The following SCUBE3 variants were observed in gnomAD, a reference collection of about 807,000 sequenced individuals.
The protein encoded by SCUBE3 is signal peptide, CUB and EGF-like domain-containing protein 3.
In SCUBE3, 33 loss-of-function variants were observed where a neutral mutation model predicts 116.8. The observed-to-expected ratio is 0.28, with a 90% CI of 0.21 to 0.38. The LOEUF (loss-of-function observed/expected upper bound fraction) is 0.38, where lower values mean the gene tolerates loss of function less well. Among genes scored for constraint, SCUBE3 ranks in the 10% least tolerant of loss-of-function variants. The pLI, the probability that SCUBE3 is intolerant of heterozygous loss-of-function variation, is 1.00. For synonymous variants in SCUBE3, 418 were observed against 496.9 expected (o/e 0.84, Z 2.11); for missense variants, 1,007 against 1,324.8 (o/e 0.76, Z 3.72).
intron 13 of SCUBE3, 125 bp from the exon 14 acceptor site, chr6:35,242,497 T>G: frequency 1.0e-6 from 1 of 1,000,276 alleles, no homozygotes; most frequent in Non-Finnish European, 1.5e-6. Context: ...CACCAACTAA[T>G]TAGGACCCTA....
chr6:35,245,088 C>A lies in SCUBE3; in HGVS notation c.2402-140C>A. On this transcript the variant is annotated intron_variant, in intron 18 of 21. Transcript: ENST00000274938. This position sits in a 1 kb window ranked among gnomAD's most constrained non-coding sequence, Gnocchi z 4.2. Reference sequence around the variant, plus strand: ...GGCAGGAAGGAAGATGGACTCAGAGCTTGGAAAATAATGATGAACTAGAAC... The same window carrying A: ...GGCAGGAAGGAAGATGGACTCAGAGATTGGAAAATAATGATGAACTAGAAC... 1.2e-6 allele frequency: 1 copy of A among 813,168 alleles called. No homozygotes were observed. The highest frequency in any genetic ancestry group is 2.0e-6 in the Non-Finnish European group (1 of 489,164). 50.4% of individuals were successfully genotyped at this position (813,168 alleles called of 1,614,324 possible). A position where few individuals can be genotyped will look rare whatever the true frequency, so the allele number is the denominator to read the frequency against.
chr6:35,224,443 T>C (rs575165963), intron 1 of SCUBE3: 1 of 151,862 alleles, frequency 6.6e-6, no homozygotes, highest in African/African-American at 2.4e-5. Flanking sequence ...GCCTGGCCAA[T>C]GTGGCAAAAC....
rs1053985403 is a variant in SCUBE3 at position 35,231,168 on chromosome 6, A to T, written c.335-557A>T. On this transcript the variant is annotated intron_variant, in intron 3 of 21. Coordinates refer to ENST00000274938, the MANE Select transcript of SCUBE3 (RefSeq NM_152753.4). This position sits in a 1 kb window ranked among gnomAD's most constrained non-coding sequence, Gnocchi z 4.2. ...GCACAGGGGGGAGGGGAGGAAGGAC[A>T]GGGCTGTGGCCTGTCCACAGAAATG... Among the ~76,000 whole-genome samples, 1 of 152,262 alleles carries T rather than the reference A, an allele frequency of 6.6e-6. No individual in the cohort carries two copies. Among genetic ancestry groups the T allele is most frequent in the African/African-American group, 2.4e-5 (1 of 41,556 alleles).
chr6:35,233,079 G>A lies in SCUBE3; in HGVS notation c.595+104G>A. The A allele has an allele frequency of 1.3e-6, 2 of 1,505,226 alleles. No homozygotes were observed. Among genetic ancestry groups the A allele is most frequent in the South Asian group, 2.4e-5 (2 of 84,452 alleles). 93.2% of individuals were successfully genotyped at this position (1,505,226 alleles called of 1,614,324 possible). On this transcript the variant is annotated intron_variant, in intron 5 of 21. Coordinates refer to ENST00000274938, the MANE Select transcript of SCUBE3 (RefSeq NM_152753.4). The surrounding 1 kb of genome is among the most constrained non-coding windows in gnomAD (Gnocchi z 5.7). ...AAGAGGACAGGGCTGGGAGGAAAAG[G>A]GAGTATGGGGGAGGCAACTAGGCAA...
In SCUBE3 at chr6:35,233,286, G is replaced by A. The variant is rs267600993; in HGVS notation, c.697G>A (p.Gly233Arg). 5.6e-6 allele frequency: 9 copies of A among 1,607,034 alleles called. No homozygotes were observed. The highest frequency in any genetic ancestry group is 2.2e-5 in the East Asian group (1 of 44,852). The change falls in exon 6 of 22, where the codon GGG (glycine) becomes AGG (arginine). Residue 233 changes from glycine (G) to arginine (R), a missense_variant. By Grantham distance (125) the Gly-to-Arg change is moderately radical. This residue lies in a region of SCUBE3 where 214 missense variants were observed against 316.7 expected (regional missense o/e 0.68). Coordinates refer to ENST00000274938, the MANE Select transcript of SCUBE3 (RefSeq NM_152753.4). This position sits in a 1 kb window ranked among gnomAD's most constrained non-coding sequence, Gnocchi z 5.7. The stretch of plus-strand genomic sequence containing the variant: ...TATCAAGTTTGTGCTCCATACCGAC[G>A]GGAAGACATGCATCGGTGGGTGAGG... ...CHIKFVLHTD[G>R]KTCIETCAVN...
Position 35,244,563 on chromosome 6 carries a change from C to A in SCUBE3, c.2240-87C>A. ...TTGATGTATCTGATCTCCTGATTCTCCAGGATGAATGTATCCTGTCCATCC... is the reference window on the plus strand; with the variant it reads ...TTGATGTATCTGATCTCCTGATTCTACAGGATGAATGTATCCTGTCCATCC... On this transcript the variant is annotated intron_variant, in intron 17 of 21. Coordinates refer to ENST00000274938, the MANE Select transcript of SCUBE3 (RefSeq NM_152753.4). The surrounding 1 kb of genome is among the most constrained non-coding windows in gnomAD (Gnocchi z 4.3). 1 of 1,046,486 alleles carries A rather than the reference C, an allele frequency of 9.6e-7. No homozygotes were observed. Among genetic ancestry groups the A allele is most frequent in the Non-Finnish European group, 1.4e-6 (1 of 689,672 alleles). 64.8% of individuals were successfully genotyped at this position (1,046,486 alleles called of 1,614,324 possible).
At position 35,232,442 on chromosome 6, in the gene SCUBE3, G is replaced by A. The variant is rs142504120; in HGVS notation, c.470-408G>A. ...TACCCTCCACTCTCATTGTAGATCT[G>A]ATTGCTACTGATCTTCTTCCCAGTT... On this transcript the variant is annotated intron_variant, in intron 4 of 21. Coordinates refer to ENST00000274938, the MANE Select transcript of SCUBE3 (RefSeq NM_152753.4). This position sits in a 1 kb window ranked among gnomAD's most constrained non-coding sequence, Gnocchi z 4.2. Among the ~76,000 whole-genome samples the A allele has an allele frequency of 6.6e-6, 1 of 151,576 alleles. No individual in the cohort carries two copies. Among genetic ancestry groups the A allele is most frequent in the African/African-American group, 2.4e-5 (1 of 41,246 alleles).
At chr6:35,218,001 T>C in intron 1 of SCUBE3, 1 of 278,180 alleles carries the variant, frequency 3.6e-6, no homozygotes, top group Non-Finnish European at 5.4e-6. Context: ...CTCATCTCTT[T>C]GAGTCTCTGC....
chr6:35,227,834 A>T, intron 2 of SCUBE3, 132 bp downstream of exon 2: 1 of 878,464 alleles, frequency 1.1e-6, no homozygotes, highest in Non-Finnish European at 1.8e-6. Context: ...GGGGGTGGTG[A>T]GGGGGGCAAC....
chr6:35,216,921 G>A lies in SCUBE3; in HGVS notation c.85+2418G>A, dbSNP rs147516553. Among the ~76,000 whole-genome samples the A allele has an allele frequency of 5.5e-3, 824 of 150,742 alleles. 11 individuals are homozygous for A. Among genetic ancestry groups the A allele is most frequent in the African/African-American group, 0.019 (780 of 41,154 alleles). On this transcript the variant is annotated intron_variant, in intron 1 of 21. Coordinates refer to ENST00000274938, the MANE Select transcript of SCUBE3 (RefSeq NM_152753.4). The stretch of plus-strand genomic sequence containing the variant: ...GCCCTAAGTGTAAAGGTGAGTGTGC[G>A]ACTGTGCACACATGAGAGGTTCACC...
rs1277335835 is a variant in SCUBE3 at position 35,231,042 on chromosome 6, G to A, written c.335-683G>A. ...CCCCCACCCCCACCATCTAGGGTGTGGCCTGGCAGCTCTCCCCAGATCCCT... is the reference window on the plus strand; with the variant it reads ...CCCCCACCCCCACCATCTAGGGTGTAGCCTGGCAGCTCTCCCCAGATCCCT... On this transcript the variant is annotated intron_variant, in intron 3 of 21. Coordinates refer to ENST00000274938, the MANE Select transcript of SCUBE3 (RefSeq NM_152753.4). This position sits in a 1 kb window ranked among gnomAD's most constrained non-coding sequence, Gnocchi z 4.2. Among the ~76,000 whole-genome samples, 2 of 151,868 alleles carry A rather than the reference G, an allele frequency of 1.3e-5. No homozygotes were observed. The highest frequency in any genetic ancestry group is 1.3e-4 in the Admixed American group (2 of 15,274).
rs761504354 is a variant in SCUBE3, at chr6:35,243,585, C to T, written c.1910-9C>T. The T allele has an allele frequency of 4.4e-6, 7 of 1,598,486 alleles. No homozygotes were observed. Among genetic ancestry groups the T allele is most frequent in the South Asian group, 2.2e-5 (2 of 89,716 alleles). On this transcript the variant is annotated splice_polypyrimidine_tract_variant and intron_variant, in intron 15 of 21. Coordinates refer to ENST00000274938, the MANE Select transcript of SCUBE3 (RefSeq NM_152753.4). This position sits in a 1 kb window ranked among gnomAD's most constrained non-coding sequence, Gnocchi z 6.6. ...GGGTGGGTGGCTAGCGCGGCCGACT[C>T]TCCCTCAGTCAGCTGCCCGCAGGGA...
At chr6:35,237,485 A>G (rs1783824393) in intron 6 of SCUBE3, among the ~76,000 whole-genome samples, 1 of 151,960 alleles carries the variant, frequency 6.6e-6, no homozygotes, top group South Asian at 2.1e-4. Context: ...CCCACCCACC[A>G]AAGACATAGT....
At chr6:35,226,808 T>C (rs1459665349) in intron 1 of SCUBE3, among the ~76,000 whole-genome samples, 2 of 152,208 alleles carry the variant, frequency 1.3e-5, no homozygotes, top group East Asian at 3.9e-4. Flanking sequence ...CCATCCTCTT[T>C]TTTGCTAGAT....
chr6:35,218,869 G>A (rs1987673), intron 1 of SCUBE3, among the ~76,000 whole-genome samples: 101,750 of 151,996 alleles, frequency 0.67, 37,510 homozygotes, highest in Non-Finnish European at 0.82. Flanking sequence ...GGTGCCAGTG[G>A]GTTTAGACAA....
At position 35,240,325 on chromosome 6, in the gene SCUBE3, G is replaced by A. The variant is rs764405514; in HGVS notation, c.953-49G>A. On this transcript the variant is annotated intron_variant, in intron 8 of 21. Coordinates refer to ENST00000274938, the MANE Select transcript of SCUBE3 (RefSeq NM_152753.4). The surrounding 1 kb of genome is among the most constrained non-coding windows in gnomAD (Gnocchi z 4.6). ...ACTTGGGTCCTTCACCTGAGCAAGG[G>A]TCAAGTGCTCCAAGACAGATTCAGT... 1 of 1,192,202 alleles carries A rather than the reference G, an allele frequency of 8.4e-7. No individual in the cohort carries two copies. The highest frequency in any genetic ancestry group is 2.5e-5 in the East Asian group (1 of 39,840). The allele number at this position is 1,192,202 out of a possible 1,614,324, so 73.9% of individuals were successfully genotyped here.
chr6:35,245,820 G>T lies in SCUBE3; in HGVS notation c.2600-124G>T. ...TGGGGTAGGGTGTGTGTATGCGAAGGGGGAGCCTTTGTCAGAATGATTCTC... is the reference window on the plus strand; with the variant it reads ...TGGGGTAGGGTGTGTGTATGCGAAGTGGGAGCCTTTGTCAGAATGATTCTC... On this transcript the variant is annotated intron_variant, in intron 19 of 21. Transcript: ENST00000274938. This position sits in a 1 kb window ranked among gnomAD's most constrained non-coding sequence, Gnocchi z 4.2. 1 of 1,025,152 alleles carries T rather than the reference G, an allele frequency of 9.8e-7. No homozygotes were observed. Among genetic ancestry groups the T allele is most frequent in the East Asian group, 2.4e-5 (1 of 41,896 alleles). The allele number at this position is 1,025,152 out of a possible 1,614,324, so 63.5% of individuals were successfully genotyped here.
At chr6:35,242,464 G>A in intron 13 of SCUBE3, 144 bp downstream of exon 13, 1 of 894,512 alleles carries the variant, frequency 1.1e-6, no homozygotes, top group Non-Finnish European at 1.8e-6. Flanking sequence ...TAGCACCCAA[G>A]GAAGTCCCAG....
At position 35,251,954 on chromosome 6, in the gene SCUBE3, C is replaced by T. The variant is rs1345202168; in HGVS notation, c.*3249C>T. The T allele has an allele frequency of 6.6e-6, 1 of 152,190 alleles. No homozygotes were observed. The highest frequency in any genetic ancestry group is 1.5e-5 in the Non-Finnish European group (1 of 68,070). 9.4% of individuals were successfully genotyped at this position (152,190 alleles called of 1,614,324 possible). A position where few individuals can be genotyped will look rare whatever the true frequency, so the allele number is the denominator to read the frequency against. On this transcript the variant is annotated 3_prime_UTR_variant, in exon 22 of 22. Coordinates refer to ENST00000274938, the MANE Select transcript of SCUBE3 (RefSeq NM_152753.4). ...TGGAAAGATGGTATAAATAGGATCC[C>T]TTCATGAAGCAACCCAGAGGCCTCT... is the stretch of plus-strand genomic sequence containing the variant.
Sources: gnomAD v4.1 joint callset for allele counts (sites outside exome capture counted in the v4.1 genomes callset) on GRCh38, gnomAD v4.1.1 for gene constraint, gnomAD v4.1.1 regional missense constraint, Gnocchi (gnomAD v3.1) non-coding constraint, MANE v1.5 for transcripts, NCBI Gene and HGNC (gene_info 2026-07-23, HGNC 2026-07-21) for gene names.